The following CD247 variants were observed in gnomAD, a reference collection of about 807,000 sequenced individuals.
CD247 encodes CD247 molecule, also known as T-cell surface glycoprotein CD3 zeta chain.
In CD247, 13 loss-of-function variants were observed where a neutral mutation model predicts 30.0. The ratio of observed to expected loss-of-function variants is 0.43; its 90% CI spans 0.28 to 0.69. CD247 has a LOEUF of 0.69. CD247 is among the 30% of genes least tolerant of loss of function. The pLI is 0.16. For missense variants in CD247, 193 were observed against 212.6 expected (o/e 0.91, Z 0.57); for synonymous variants, 72 against 80.0 (o/e 0.90, Z 0.53).
intron 1 of CD247, among the ~76,000 whole-genome samples, chr1:167,498,556 G>A (rs537235474): frequency 3.9e-4 from 59 of 152,244 alleles, no homozygotes; most frequent in African/African-American, 1.1e-3. Context: ...TACAGTAATC[G>A]AAAACATTTA....
chr1:167,501,560 C>T (rs1393256768), intron 1 of CD247, among the ~76,000 whole-genome samples: 1 of 152,232 alleles, frequency 6.6e-6, no homozygotes, highest in African/African-American at 2.4e-5. Context: ...TTCTCCAGTT[C>T]CTCAAATGCT....
At chr1:167,468,843 C>T (rs1442140960) in intron 1 of CD247, among the ~76,000 whole-genome samples, 1 of 152,124 alleles carries the variant, frequency 6.6e-6, no homozygotes, top group Non-Finnish European at 1.5e-5. Flanking sequence ...GACTGAGATG[C>T]TCCACCCGGC....
chr1:167,496,544 A>C (rs567353555), intron 1 of CD247, among the ~76,000 whole-genome samples: 5 of 152,280 alleles, frequency 3.3e-5, no homozygotes, highest in African/African-American at 9.6e-5. Context: ...GAAGATCTCC[A>C]TCCCGTGGAG....
At chr1:167,484,701 C>T (rs973825363) in intron 1 of CD247, among the ~76,000 whole-genome samples, 9 of 152,318 alleles carry the variant, frequency 5.9e-5, no homozygotes, top group African/African-American at 1.9e-4. Flanking sequence ...CACTTGAACC[C>T]GGGAGGCAGA....
chr1:167,453,444 T>C (rs879299351), intron 1 of CD247, among the ~76,000 whole-genome samples: 4 of 152,144 alleles, frequency 2.6e-5, no homozygotes, highest in Non-Finnish European at 5.9e-5. Context: ...TTCAAAAAAA[T>C]CTACTTTCGA....
At chr1:167,469,682 T>C (rs1653419230) in intron 1 of CD247, among the ~76,000 whole-genome samples, 1 of 152,046 alleles carries the variant, frequency 6.6e-6, no homozygotes, top group East Asian at 1.9e-4. Context: ...TAAAGGAAAG[T>C]GTTCAAGCAA....
chr1:167,433,055 C>A lies in CD247; in HGVS notation c.398G>T (p.Arg133Leu). ...YSEIGMKGERRRGKGHDGLYQ... is the reference protein window; with the variant it reads ...YSEIGMKGERLRGKGHDGLYQ... ...AAGGCCATCGTGCCCCTTGCCCCTC[C>A]GGCGCTGGTTGTTTGGGAGTGAAAT... is the stretch of plus-strand genomic sequence containing the variant. Residue 133 changes from arginine (R) to leucine (L), a missense_variant, in exon 7 of 8, where the codon CGG becomes CTG. By Grantham distance (102) the Arg-to-Leu change is moderately radical. Coordinates refer to ENST00000362089, the MANE Select transcript of CD247 (RefSeq NM_198053.3). 1 of 1,614,196 alleles carries A rather than the reference C, an allele frequency of 6.2e-7. No individual in the cohort carries two copies. Among genetic ancestry groups the A allele is most frequent in the Non-Finnish European group, 8.5e-7 (1 of 1,180,014 alleles).
chr1:167,452,036 A>G (rs933688167), intron 1 of CD247, among the ~76,000 whole-genome samples: 1 of 152,226 alleles, frequency 6.6e-6, no homozygotes, highest in Non-Finnish European at 1.5e-5. Flanking sequence ...TAGCCTGGCC[A>G]ACATGGCTAA....
At chr1:167,444,298 A>G (rs1244859121) in intron 1 of CD247, among the ~76,000 whole-genome samples, 1 of 152,202 alleles carries the variant, frequency 6.6e-6, no homozygotes, top group East Asian at 1.9e-4. Flanking sequence ...GCAGGATGCC[A>G]GCTCAAAGGC....
chr1:167,466,092 ACAC>A (rs1348405821), intron 1 of CD247, among the ~76,000 whole-genome samples: 1 of 152,262 alleles, frequency 6.6e-6, no homozygotes, highest in African/African-American at 2.4e-5. Flanking sequence ...TCTGCTGACA[ACAC>A]GTTAGATTTA....
intron 1 of CD247, among the ~76,000 whole-genome samples, chr1:167,468,499 C>A (rs185170587): frequency 2.1e-3 from 319 of 152,280 alleles, no homozygotes; most frequent in Non-Finnish European, 3.1e-3. Context: ...ACACCTCTTC[C>A]AGACACAGAG....
At chr1:167,432,100 A>G (rs1238766707) in intron 7 of CD247, among the ~76,000 whole-genome samples, 2 of 111,390 alleles carry the variant, frequency 1.8e-5, no homozygotes, top group East Asian at 5.2e-4. Context: ...TTGGGCAGGA[A>G]TCAGGGGGGA....
At chr1:167,476,089 G>T (rs1043777283) in intron 1 of CD247, among the ~76,000 whole-genome samples, 1 of 152,008 alleles carries the variant, frequency 6.6e-6, no homozygotes, top group African/African-American at 2.4e-5. Flanking sequence ...TTTTCTACAT[G>T]TTGAAACAGG....
At chr1:167,472,746 G>T (rs1653583069) in intron 1 of CD247, among the ~76,000 whole-genome samples, 1 of 152,088 alleles carries the variant, frequency 6.6e-6, no homozygotes, top group South Asian at 2.1e-4. Flanking sequence ...CTCTAAATAT[G>T]CAGATATTCT....
At chr1:167,438,093 A>G (rs1651632280) in intron 4 of CD247, among the ~76,000 whole-genome samples, 1 of 152,148 alleles carries the variant, frequency 6.6e-6, no homozygotes, top group Non-Finnish European at 1.5e-5. Flanking sequence ...ACCCTACCCT[A>G]CTGTGGTGTC....
Position 167,433,624 on chromosome 1 carries a change from C to CTTAATTGTTGATGAACAA in CD247, c.393+378_393+395dup, listed in dbSNP as rs552617718. Among the ~76,000 whole-genome samples the CTTAATTGTTGATGAACAA allele has an allele frequency of 1.0e-3, 153 of 152,264 alleles. 1 individual carries two copies. The highest frequency in any genetic ancestry group is 3.3e-3 in the African/African-American group (138 of 41,542). ...GCTTCACTCTCACCATTTTGAAATT[C>CTTAATTGTTGATGAACAA]TTAATTGTTGATGAACAATTAATTG... On this transcript the variant is annotated intron_variant, in intron 6 of 7. Transcript: ENST00000362089.
chr1:167,446,750 T>C (rs1652099801), intron 1 of CD247, among the ~76,000 whole-genome samples: 1 of 152,070 alleles, frequency 6.6e-6, no homozygotes, highest in Admixed American at 6.5e-5. Flanking sequence ...TCCCAGCACT[T>C]TGGGAGGCCG....
intron 1 of CD247, among the ~76,000 whole-genome samples, chr1:167,443,428 T>C (rs375667050): frequency 3.9e-4 from 60 of 152,342 alleles, no homozygotes; most frequent in African/African-American, 1.2e-3. Context: ...TAAAGGCCTC[T>C]GGGGGACAAG....
intron 4 of CD247, among the ~76,000 whole-genome samples, chr1:167,436,386 C>T (rs911563663): frequency 1.3e-5 from 2 of 152,204 alleles, no homozygotes; most frequent in Non-Finnish European, 2.9e-5. Context: ...TGAAGCCTTT[C>T]CTCCCTTTCT....
Sources: gnomAD v4.1 joint callset for allele counts (sites outside exome capture counted in the v4.1 genomes callset) on GRCh38, gnomAD v4.1.1 for gene constraint, MANE v1.5 for transcripts, NCBI Gene and HGNC (gene_info 2026-07-23, HGNC 2026-07-21) for gene names.